Variants in SORCS2 observed in about 807,000 individuals in gnomAD.
SORCS2 encodes the protein VPS10 domain-containing receptor SorCS2.
SORCS2 carries 100 observed loss-of-function variants against 141.6 expected under a neutral mutation model. The ratio of observed to expected loss-of-function variants is 0.71; its 90% confidence interval spans 0.60 to 0.83. The LOEUF is 0.83. Ranked by LOEUF, SORCS2 falls within the 40% of genes least tolerant of loss-of-function variation. The probability of loss-of-function intolerance (pLI) is 0.00; values close to 1 mark genes in which losing one functional copy is unlikely to be tolerated. For missense variants in SORCS2, 1,646 were observed against 1,560.2 expected, an observed-to-expected ratio of 1.05 and a Z score of -0.93; for synonymous variants, 789 against 676.9, an observed-to-expected ratio of 1.17 and a Z score of -2.57.
At chr4:7,496,775 C>G (rs570477213) in intron 2 of SORCS2, among the ~76,000 whole-genome samples, 6 of 152,088 alleles carry the variant, frequency 3.9e-5, no homozygotes, top group Admixed American at 6.5e-5. Flanking sequence ...GCGCCTTCAC[C>G]AGGCGGGAGA....
In SORCS2 at chr4:7,663,981, C is replaced by G. The variant is rs937241034; in HGVS notation, c.953-372C>G. 6.6e-6 allele frequency among the ~76,000 whole-genome samples: 1 copy of G among 152,162 alleles called. No individual in the cohort carries two copies. ...GCTTAAAATTTGGGGGAAAAGAACC[C>G]TTGAGCCCCACCCGCCCCCATCCCT... On this transcript the variant is annotated intron_variant, in intron 6 of 26. Coordinates refer to ENST00000507866, the MANE Select transcript of SORCS2 (RefSeq NM_020777.3). This position sits in a 1 kb window ranked among gnomAD's most constrained non-coding sequence, Gnocchi z 4.8.
At chr4:7,670,882 G>A (rs771918666) in intron 8 of SORCS2, among the ~76,000 whole-genome samples, 1 of 152,154 alleles carries the variant, frequency 6.6e-6, no homozygotes, top group Non-Finnish European at 1.5e-5. Context: ...ATTACTGACT[G>A]CTTCTGATGA....
At chr4:7,489,920 G>A (rs1482439638) in intron 2 of SORCS2, among the ~76,000 whole-genome samples, 2 of 152,196 alleles carry the variant, frequency 1.3e-5, no homozygotes, top group Admixed American at 6.5e-5. Flanking sequence ...AGAGAAGGGT[G>A]TCCTGTGGCT....
intron 3 of SORCS2, among the ~76,000 whole-genome samples, chr4:7,608,973 A>G (rs1290587981): frequency 6.6e-6 from 1 of 152,006 alleles, no homozygotes; most frequent in Non-Finnish European, 1.5e-5. Context: ...TCACTTCCCA[A>G]ATCCCTCTGT....
intron 1 of SORCS2, among the ~76,000 whole-genome samples, chr4:7,224,378 G>C (rs1577295467): frequency 6.6e-6 from 1 of 152,214 alleles, no homozygotes; most frequent in Non-Finnish European, 1.5e-5. Context: ...GAGTGTTAAG[G>C]GTGAGAGGAG....
At chr4:7,616,269 T>C (rs904368603) in intron 3 of SORCS2, among the ~76,000 whole-genome samples, 1 of 152,136 alleles carries the variant, frequency 6.6e-6, no homozygotes, top group Non-Finnish European at 1.5e-5. Context: ...TGAGTGCCGC[T>C]AGCCAACCCA....
chr4:7,609,175 A>G (rs959594386), intron 3 of SORCS2, among the ~76,000 whole-genome samples: 1 of 151,494 alleles, frequency 6.6e-6, no homozygotes, highest in African/African-American at 2.4e-5. Flanking sequence ...AACCTCTCTG[A>G]ACTTGGTTTT....
chr4:7,381,447 C>A (rs972670242), intron 1 of SORCS2, among the ~76,000 whole-genome samples: 2 of 152,212 alleles, frequency 1.3e-5, no homozygotes, highest in African/African-American at 4.8e-5. Flanking sequence ...TCAGAGGCTG[C>A]CCTGTGGGGG....
At chr4:7,697,935 A>T (rs1009414093) in intron 12 of SORCS2, among the ~76,000 whole-genome samples, 1 of 152,168 alleles carries the variant, frequency 6.6e-6, no homozygotes, top group Non-Finnish European at 1.5e-5. Flanking sequence ...TCTGTGCTCC[A>T]TGCAGCCCCA....
At position 7,706,072 on chromosome 4, in the gene SORCS2, C is replaced by CTCCGTCTGGGCAGGGATGAGGT. The variant is rs1725421072; in HGVS notation, c.1868+1789_1868+1790insCCGTCTGGGCAGGGATGAGGTT. 1.5e-5 allele frequency among the ~76,000 whole-genome samples: 2 copies of CTCCGTCTGGGCAGGGATGAGGT among 133,888 alleles called. 1 individual carries two copies. Among genetic ancestry groups the CTCCGTCTGGGCAGGGATGAGGT allele is most frequent in the Admixed American group, 1.5e-4 (2 of 13,116 alleles). 87.8% of individuals were successfully genotyped at this position (133,888 alleles called of 152,430 possible). A position where few individuals can be genotyped will look rare whatever the true frequency, so the allele number is the denominator to read the frequency against. On this transcript the variant is annotated intron_variant, in intron 14 of 26. Transcript: ENST00000507866. The stretch of plus-strand genomic sequence containing the variant: ...GGGCTCCGCCTGGGCAGGGATGAGG[C>CTCCGTCTGGGCAGGGATGAGGT]TGGGCTCTGCCTGGACAGAGATGAG...
chr4:7,254,637 T>A (rs1713725260), intron 1 of SORCS2, among the ~76,000 whole-genome samples: 1 of 151,946 alleles, frequency 6.6e-6, no homozygotes, highest in Admixed American at 6.6e-5. Context: ...GCCCTATAAA[T>A]CTGTACAAAT....
At chr4:7,265,637 C>A (rs1044363072) in intron 1 of SORCS2, among the ~76,000 whole-genome samples, 1 of 152,220 alleles carries the variant, frequency 6.6e-6, no homozygotes, top group African/African-American at 2.4e-5. Context: ...GGACACACGG[C>A]CTCCTCCCCT....
intron 1 of SORCS2, among the ~76,000 whole-genome samples, chr4:7,234,526 G>T (rs190710480): frequency 6.6e-6 from 1 of 152,354 alleles, no homozygotes; most frequent in African/African-American, 2.4e-5. Context: ...GGCGGCCGAC[G>T]TGGCCACATA....
At chr4:7,462,365 C>T (rs528896993) in intron 2 of SORCS2, among the ~76,000 whole-genome samples, 8 of 152,138 alleles carry the variant, frequency 5.3e-5, no homozygotes, top group African/African-American at 1.2e-4. Context: ...AAGGGCAGCA[C>T]GAAGGATCTA....
chr4:7,736,515 C>T (rs1326576623), intron 25 of SORCS2, among the ~76,000 whole-genome samples: 5 of 152,166 alleles, frequency 3.3e-5, no homozygotes, highest in African/African-American at 9.6e-5. Context: ...AGTGGGGTGT[C>T]GTGCATGAAG....
chr4:7,703,667 G>A (rs1725229896), intron 13 of SORCS2, among the ~76,000 whole-genome samples: 1 of 152,216 alleles, frequency 6.6e-6, no homozygotes, highest in Non-Finnish European at 1.5e-5. Context: ...GTAAAGTGCA[G>A]GGATTGGGAC....
intron 1 of SORCS2, among the ~76,000 whole-genome samples, chr4:7,395,654 G>T (rs1011727736): frequency 1.2e-3 from 11 of 9,018 alleles, no homozygotes; most frequent in African/African-American, 1.7e-3. Flanking sequence ...AAACAGCGTG[G>T]TCAGGTGGGC....
intron 18 of SORCS2, among the ~76,000 whole-genome samples, chr4:7,721,322 C>T (rs534798081): frequency 5.3e-5 from 8 of 152,128 alleles, no homozygotes; most frequent in Non-Finnish European, 8.8e-5. Flanking sequence ...AAAACTTAGC[C>T]AGGTGTGGTG....
At chr4:7,436,183 G>A (rs1254418465) in intron 2 of SORCS2, among the ~76,000 whole-genome samples, 1 of 152,240 alleles carries the variant, frequency 6.6e-6, no homozygotes, top group African/African-American at 2.4e-5. Context: ...GTGAGCCTGG[G>A]TGTGCTCAGC....
Sources: allele counts gnomAD v4.1 joint callset (sites outside exome capture counted in the v4.1 genomes callset), GRCh38; gene constraint gnomAD v4.1.1; non-coding constraint Gnocchi (gnomAD v3.1); transcripts MANE v1.5; gene names NCBI Gene and HGNC (gene_info 2026-07-23, HGNC 2026-07-21).